The following NRXN3 variants were observed in gnomAD, a reference collection of about 807,000 sequenced individuals.
NRXN3 encodes neurexin III.
Under a neutral mutation model 137.6 loss-of-function variants are expected in NRXN3, and 32 were observed. The ratio of observed to expected loss-of-function variants is 0.23; its 90% CI spans 0.18 to 0.31. The LOEUF is 0.31. Among genes scored for constraint, NRXN3 ranks in the 10% least tolerant of loss-of-function variants. NRXN3 has a pLI of 1.00. For missense variants in NRXN3, 1,574 were observed against 2,062.5 expected, an observed-to-expected ratio of 0.76 and a Z score of 4.59; for synonymous variants, 798 against 784.5, an observed-to-expected ratio of 1.02 and a Z score of -0.29.
At chr14:78,254,905 C>T (rs1231574247) in intron 2 of NRXN3, among the ~76,000 whole-genome samples, 1 of 151,836 alleles carries the variant, frequency 6.6e-6, no homozygotes, top group Non-Finnish European at 1.5e-5. Context: ...GTAGCTGCTC[C>T]TGGAGACAGG....
chr14:78,658,962 A>G (rs907442520), intron 6 of NRXN3, among the ~76,000 whole-genome samples: 23 of 152,312 alleles, frequency 1.5e-4, no homozygotes, highest in African/African-American at 5.5e-4. Context: ...ACGGCATCTC[A>G]GGAGCTAACT....
intron 20 of NRXN3, among the ~76,000 whole-genome samples, chr14:79,806,865 G>T (rs2099207841): frequency 7.1e-6 from 1 of 141,764 alleles, no homozygotes; most frequent in African/African-American, 2.6e-5. Context: ...ATATTAATAG[G>T]TCACAATCCT....
chr14:79,445,346 AAAAG>A (rs869124683), intron 15 of NRXN3, among the ~76,000 whole-genome samples: 13 of 152,082 alleles, frequency 8.5e-5, no homozygotes, highest in Middle Eastern at 3.4e-3. Context: ...CTCAAAAAAA[AAAAG>A]AAAGAAAGAA....
chr14:79,387,850 A>C (rs937569345), intron 15 of NRXN3, among the ~76,000 whole-genome samples: 1 of 151,452 alleles, frequency 6.6e-6, no homozygotes, highest in Non-Finnish European at 1.5e-5. Flanking sequence ...AAACTCTCAC[A>C]AAGACAAAAA....
chr14:79,149,632 C>A (rs902433953), intron 15 of NRXN3, among the ~76,000 whole-genome samples: 2 of 151,696 alleles, frequency 1.3e-5, no homozygotes, highest in African/African-American at 4.8e-5. Flanking sequence ...ATAGACTGGA[C>A]AAAGAAAATG....
chr14:79,145,823 C>T (rs768125837), intron 15 of NRXN3, among the ~76,000 whole-genome samples: 1 of 152,132 alleles, frequency 6.6e-6, no homozygotes, highest in Non-Finnish European at 1.5e-5. Context: ...CCAAACTTTT[C>T]CTTGAAATAA....
intron 1 of NRXN3, among the ~76,000 whole-genome samples, chr14:78,199,050 G>A (rs1401475534): frequency 6.6e-6 from 1 of 152,228 alleles, no homozygotes; most frequent in Admixed American, 6.5e-5. Context: ...TGCGAAAAGT[G>A]TTGAGATCAG....
At position 79,329,500 on chromosome 14, in the gene NRXN3, T is replaced by C. The variant is rs1031043431; in HGVS notation, c.3263-137721T>C. Among the ~76,000 whole-genome samples, 12 of 152,316 alleles carry C rather than the reference T, an allele frequency of 7.9e-5. No homozygotes were observed. The East Asian group carries it at 2.3e-3, about 29-fold the overall frequency. Reference sequence around the variant, plus strand: ...CTTCACCTGGGTTTTGCAAGCCATATGGTCTCTGTCTCAAGTATTTAGCTG... The same window carrying C: ...CTTCACCTGGGTTTTGCAAGCCATACGGTCTCTGTCTCAAGTATTTAGCTG... On this transcript the variant is annotated intron_variant, in intron 15 of 20. Transcript: ENST00000335750.
chr14:78,447,042 C>T (rs1354401426), intron 4 of NRXN3, among the ~76,000 whole-genome samples: 1 of 152,188 alleles, frequency 6.6e-6, no homozygotes, highest in Non-Finnish European at 1.5e-5. Context: ...GCAGATGGTA[C>T]TACATGGTCA....
intron 10 of NRXN3, among the ~76,000 whole-genome samples, chr14:78,894,482 C>T (rs8011333): frequency 1.3e-5 from 2 of 151,852 alleles, no homozygotes; most frequent in Non-Finnish European, 2.9e-5. Flanking sequence ...TTCTAGTTCT[C>T]TTGCTACTTC....
At chr14:78,264,071 C>G (rs1316885707) in intron 2 of NRXN3, among the ~76,000 whole-genome samples, 1 of 152,084 alleles carries the variant, frequency 6.6e-6, no homozygotes, top group Non-Finnish European at 1.5e-5. Flanking sequence ...AACGTCAGGA[C>G]CAAAATAGCC....
intron 8 of NRXN3, among the ~76,000 whole-genome samples, chr14:78,751,481 A>G (rs1486884619): frequency 7.9e-5 from 12 of 151,044 alleles, no homozygotes; most frequent in Non-Finnish European, 1.5e-5. Context: ...CTTGCTCCCT[A>G]TTTCTTGGAG....
intron 19 of NRXN3, among the ~76,000 whole-genome samples, chr14:79,765,943 CAT>C (rs2099054589): frequency 6.6e-6 from 1 of 152,162 alleles, no homozygotes; most frequent in South Asian, 2.1e-4. Flanking sequence ...TAACTCCACA[CAT>C]GTGCATTGAC....
chr14:79,612,304 A>C (rs1281360050), intron 16 of NRXN3, among the ~76,000 whole-genome samples: 1 of 152,188 alleles, frequency 6.6e-6, no homozygotes, highest in Non-Finnish European at 1.5e-5. Context: ...TGAATAGTAC[A>C]TGAGGACTCT....
At chr14:79,262,187 C>A (rs2077712265) in intron 15 of NRXN3, among the ~76,000 whole-genome samples, 1 of 152,052 alleles carries the variant, frequency 6.6e-6, no homozygotes, top group African/African-American at 2.4e-5. Context: ...GCCCCTCCTG[C>A]CCACAACTTC....
chr14:78,800,684 G>A (rs372886453), intron 8 of NRXN3, among the ~76,000 whole-genome samples: 2 of 152,168 alleles, frequency 1.3e-5, no homozygotes, highest in East Asian at 3.9e-4. Flanking sequence ...CATCTTTTGT[G>A]TGGTATCTGA....
rs78952001 is a variant in NRXN3, at chr14:79,335,120, C to T, written c.3263-132101C>T. On this transcript the variant is annotated intron_variant, in intron 15 of 20. Coordinates refer to ENST00000335750, the MANE Select transcript of NRXN3 (RefSeq NM_001330195.2). The stretch of plus-strand genomic sequence containing the variant: ...TCAGCAGTGACACACAGGCTCTGCT[C>T]TCCTAATTGCTGTAAAGAACTGTGC... Among the ~76,000 whole-genome samples, 1,461 of 152,240 alleles carry T rather than the reference C, an allele frequency of 9.6e-3. 25 individuals carry two copies. The highest frequency in any genetic ancestry group is 0.033 in the African/African-American group (1,379 of 41,544).
At chr14:78,402,145 G>GA (rs1372248279) in intron 4 of NRXN3, among the ~76,000 whole-genome samples, 5 of 152,118 alleles carry the variant, frequency 3.3e-5, no homozygotes, top group Non-Finnish European at 5.9e-5. Context: ...TCTGAATATT[G>GA]AAAAAATGAG....
chr14:78,711,711 G>A lies in NRXN3; in HGVS notation c.1660+2056G>A, dbSNP rs138512189. 5.6e-3 allele frequency among the ~76,000 whole-genome samples: 848 copies of A among 152,174 alleles called. 2 individuals carry two copies. Among genetic ancestry groups the A allele is most frequent in the Admixed American group, 9.6e-3 (147 of 15,268 alleles). ...CCATCTCGGCCTCCCAAAGTGCTGG[G>A]ATTACAGGAGTAAGCCACTGTGCCA... On this transcript the variant is annotated intron_variant, in intron 7 of 20. Coordinates refer to ENST00000335750, the MANE Select transcript of NRXN3 (RefSeq NM_001330195.2).
Sources: allele counts gnomAD v4.1 joint callset (sites outside exome capture counted in the v4.1 genomes callset), GRCh38; gene constraint gnomAD v4.1.1; transcripts MANE v1.5; gene names NCBI Gene and HGNC (gene_info 2026-07-23, HGNC 2026-07-21).